The following HBP1 variants were observed in gnomAD, a reference collection of about 807,000 sequenced individuals.
HBP1 encodes HMG box-containing protein 1.
In HBP1, 20 loss-of-function variants were observed where a neutral mutation model predicts 62.6. That is an observed-to-expected ratio of 0.32 (90% CI 0.22 to 0.46). The LOEUF (loss-of-function observed/expected upper bound fraction) is 0.46. Among genes scored for constraint, HBP1 ranks in the 20% least tolerant of loss-of-function variants. The probability of loss-of-function intolerance (pLI) is 1.00; values close to 1 mark genes in which losing one functional copy is unlikely to be tolerated. For synonymous variants in HBP1, 232 were observed against 206.2 expected (o/e 1.12, Z -1.07); for missense variants, 480 against 611.8 (o/e 0.78, Z 2.27).
chr7:107,171,900 T>C (rs1796619527), intron 1 of HBP1, among the ~76,000 whole-genome samples: 1 of 149,948 alleles, frequency 6.7e-6, no homozygotes, highest in Non-Finnish European at 1.5e-5. Flanking sequence ...AGGAATTTTA[T>C]GTCTGTTAAG....
chr7:107,172,961 G>A (rs766899630), intron 1 of HBP1, among the ~76,000 whole-genome samples: 30 of 152,252 alleles, frequency 2.0e-4, no homozygotes, highest in Non-Finnish European at 3.5e-4. Context: ...TAATTGTTCA[G>A]GGCCATGAAA....
At chr7:107,172,516 T>C (rs966472849) in intron 1 of HBP1, among the ~76,000 whole-genome samples, 4 of 152,190 alleles carry the variant, frequency 2.6e-5, no homozygotes, top group Non-Finnish European at 5.9e-5. Context: ...ACTTATCTTA[T>C]ATGACTCATC....
intron 1 of HBP1, among the ~76,000 whole-genome samples, chr7:107,170,533 A>T (rs900318650): frequency 6.6e-6 from 1 of 152,156 alleles, no homozygotes; most frequent in Non-Finnish European, 1.5e-5. Context: ...AGTAGTTGAC[A>T]AAATTTCAAG....
intron 1 of HBP1, chr7:107,174,420 A>G: frequency 1.0e-6 from 1 of 961,148 alleles, no homozygotes; most frequent in Non-Finnish European, 1.2e-6. Flanking sequence ...TGAAATTAAA[A>G]TAATGTCTTT....
At position 107,189,276 on chromosome 7, in the gene HBP1, A is replaced by G. The variant is rs368910747; in HGVS notation, c.766-16A>G. 2.5e-6 allele frequency: 4 copies of G among 1,599,630 alleles called. No individual in the cohort carries two copies. Among genetic ancestry groups the G allele is most frequent in the African/African-American group, 1.3e-5 (1 of 74,588 alleles). On this transcript the variant is annotated splice_polypyrimidine_tract_variant and intron_variant, in intron 6 of 10. Coordinates refer to ENST00000222574, the MANE Select transcript of HBP1 (RefSeq NM_012257.4). ...TGAACATTTCCAATTCATTCACGCT[A>G]TGCATATATTTTCAGGGCTATGGTT...
At chr7:107,169,290 C>T in intron 1 of HBP1, 105 bp downstream of exon 1, 1 of 535,370 alleles carries the variant, frequency 1.9e-6, no homozygotes, top group Non-Finnish European at 2.5e-6. Context: ...TCCTTCTTCT[C>T]GGAGGGTTGC....
In HBP1 at chr7:107,195,571, TG is replaced by T. The variant is rs758300120; in HGVS notation, c.1068-257del. Among the ~76,000 whole-genome samples the T allele has an allele frequency of 3.3e-5, 5 of 152,266 alleles. No individual in the cohort carries two copies. The East Asian group carries it at 9.6e-4, about 29-fold the overall frequency. ...AAGTATGCTGATTATAACATTCCTT[TG>T]GGGGGTTCAAAGTCTTTTTTAAGCT... On this transcript the variant is annotated intron_variant, in intron 8 of 10. Transcript: ENST00000222574.
At chr7:107,189,668 A>AT (rs1333085032) in intron 7 of HBP1, among the ~76,000 whole-genome samples, 3 of 152,166 alleles carry the variant, frequency 2.0e-5, no homozygotes, top group Non-Finnish European at 4.4e-5. Flanking sequence ...AAATTTTTAG[A>AT]TTCATGTAGC....
intron 9 of HBP1, among the ~76,000 whole-genome samples, chr7:107,198,915 T>A (rs1318470927): frequency 4.6e-5 from 7 of 152,216 alleles, no homozygotes; most frequent in Non-Finnish European, 8.8e-5. Flanking sequence ...GTTTCGCAAG[T>A]GCCACCCCCT....
chr7:107,197,544 A>ATAT (rs1284652667), intron 9 of HBP1, among the ~76,000 whole-genome samples: 1 of 151,968 alleles, frequency 6.6e-6, no homozygotes, highest in Non-Finnish European at 1.5e-5. Context: ...AATTTTTTGC[A>ATAT]TATTTAGTAG....
intron 1 of HBP1, among the ~76,000 whole-genome samples, chr7:107,176,022 C>CT (rs1796832421): frequency 7.7e-6 from 1 of 129,626 alleles, no homozygotes; most frequent in African/African-American, 2.7e-5. Context: ...GGCTTTTTTT[C>CT]TTTTTTCATT....
chr7:107,195,644 CACATAT>C (rs1159505722), intron 8 of HBP1, among the ~76,000 whole-genome samples, 184 bp from the exon 9 acceptor site: 2 of 151,560 alleles, frequency 1.3e-5, no homozygotes, highest in Admixed American at 1.3e-4. Flanking sequence ...TTTCAGTTAG[CACATAT>C]ACAGATTTCA....
At position 107,195,964 on chromosome 7, in the gene HBP1, T is replaced by G. The variant is rs764060283; in HGVS notation, c.1198T>G (p.Cys400Gly). 12 of 1,614,046 alleles carry G rather than the reference T, an allele frequency of 7.4e-6. No individual in the cohort carries two copies. The highest frequency in any genetic ancestry group is 3.3e-4 in the Middle Eastern group (2 of 6,084). ...DFARSGFSKN[C>G]GSPGSSQLSS... ...TGCAAGATCTGGATTCAGTAAAAACTGTGGCTCACCTGGATCATCACAGCT... is the reference window on the plus strand; with the variant it reads ...TGCAAGATCTGGATTCAGTAAAAACGGTGGCTCACCTGGATCATCACAGCT... The change falls in exon 9 of 11, where the codon TGT becomes GGT. Residue 400 changes from cysteine (C) to glycine (G), a missense_variant. Cys to Gly is a radical substitution (Grantham distance 159). Around this residue, in one of 4 missense-constraint regions of HBP1, gnomAD observed 66 missense variants for 56.4 expected, o/e 1.17. Coordinates refer to ENST00000222574, the MANE Select transcript of HBP1 (RefSeq NM_012257.4).
At chr7:107,200,069 AC>A in intron 9 of HBP1, 90 bp from the exon 10 acceptor site, 1 of 1,034,420 alleles carries the variant, frequency 9.7e-7, no homozygotes. Flanking sequence ...ATCTTTTTTA[AC>A]TTCACATTTT....
Position 107,186,560 on chromosome 7 carries a change from A to G in HBP1, c.653-9A>G. On this transcript the variant is annotated splice_polypyrimidine_tract_variant and intron_variant, in intron 5 of 10. Transcript: ENST00000222574. Reference sequence around the variant, plus strand: ...CGTGTCTAATACGTGTTTTCTACCTAAACCTTAGGCACACGACTGTGCTTT... The same window carrying G: ...CGTGTCTAATACGTGTTTTCTACCTGAACCTTAGGCACACGACTGTGCTTT... 1 of 1,602,058 alleles carries G rather than the reference A, an allele frequency of 6.2e-7. No homozygotes were observed. The highest frequency in any genetic ancestry group is 8.5e-7 in the Non-Finnish European group (1 of 1,170,048).
In HBP1 at chr7:107,170,101, G is replaced by T. The variant is rs569339614; in HGVS notation, c.-16+916G>T. 1.9e-4 allele frequency: 192 copies of T among 985,434 alleles called. 2 individuals are homozygous for T. The South Asian group carries it at 7.9e-3, about 41-fold the overall frequency. The allele number at this position is 985,434 out of a possible 1,614,324, so 61.0% of individuals were successfully genotyped here. On this transcript the variant is annotated intron_variant, in intron 1 of 10. Coordinates refer to ENST00000222574, the MANE Select transcript of HBP1 (RefSeq NM_012257.4). ...CATTCTTAGGGAGTTTTCAGCTACA[G>T]TCGTTTTTAGAAGGAGCACTGACAG...
intron 1 of HBP1, among the ~76,000 whole-genome samples, 159 bp downstream of exon 1, chr7:107,169,344 G>T (rs950886579): frequency 7.3e-5 from 11 of 150,536 alleles, no homozygotes; most frequent in Non-Finnish European, 1.3e-4. Context: ...TGCCCGCGGC[G>T]AGCCCACCGG....
chr7:107,180,127 C>A, intron 2 of HBP1, 65 bp downstream of exon 2: 3 of 946,660 alleles, frequency 3.2e-6, no homozygotes, highest in Non-Finnish European at 3.2e-6. Context: ...CTACTTAGCC[C>A]GCTTCTCCAC....
intron 9 of HBP1, 165 bp downstream of exon 9, chr7:107,196,316 T>C (rs1270237105): frequency 1.5e-6 from 1 of 656,666 alleles, no homozygotes; most frequent in Non-Finnish European, 2.8e-6. Context: ...TCACCCAAGC[T>C]GGAGTCCAGT....
Sources: allele counts gnomAD v4.1 joint callset (sites outside exome capture counted in the v4.1 genomes callset), GRCh38; gene constraint gnomAD v4.1.1; regional missense constraint gnomAD v4.1.1; transcripts MANE v1.5; gene names NCBI Gene and HGNC (gene_info 2026-07-23, HGNC 2026-07-21).